The following OR4E2 variants were observed in gnomAD, a reference collection of about 807,000 sequenced individuals.
OR4E2 encodes the protein olfactory receptor 4E2.
OR4E2 carries 9 observed loss-of-function variants against 11.0 expected under a neutral mutation model. That is an observed-to-expected ratio of 0.82 (90% CI 0.49 to 1.43). The LOEUF (loss-of-function observed/expected upper bound fraction) is 1.43, where lower values mean the gene tolerates loss of function less well. OR4E2 is among the 40% of genes most tolerant of loss of function. The probability of loss-of-function intolerance (pLI) is 0.00; values close to 1 mark genes in which losing one functional copy is unlikely to be tolerated. For missense variants in OR4E2, 441 were observed against 382.0 expected, an observed-to-expected ratio of 1.15 and a Z score of -1.29; for synonymous variants, 159 against 147.3, an observed-to-expected ratio of 1.08 and a Z score of -0.57.
At chr14:21,664,275 G>A (rs1004409338) in intron 3 of OR4E2, among the ~76,000 whole-genome samples, 1 of 152,102 alleles carries the variant, frequency 6.6e-6, no homozygotes, top group African/African-American at 2.4e-5. Flanking sequence ...TTCTTCTGTT[G>A]TTTTTTGGCT....
rs1213402717 is a variant in OR4E2 at position 21,666,220 on chromosome 14, A to G, written c.*196A>G. ...TTATTAACTATTATTTAAATAAAGCAAAAGATCATAGTGGAAGTTATAAGG... is the reference window on the plus strand; with the variant it reads ...TTATTAACTATTATTTAAATAAAGCGAAAGATCATAGTGGAAGTTATAAGG... On this transcript the variant is annotated 3_prime_UTR_variant, in exon 4 of 4. Coordinates refer to ENST00000641524, the MANE Select transcript of OR4E2 (RefSeq NM_001001912.3). The G allele has an allele frequency of 4.3e-6, 2 of 460,492 alleles. No individual in the cohort carries two copies. The highest frequency in any genetic ancestry group is 7.6e-6 in the Non-Finnish European group (2 of 263,132). The allele number at this position is 460,492 out of a possible 1,614,324, so 28.5% of individuals were successfully genotyped here. A position where few individuals can be genotyped will look rare whatever the true frequency, so the allele number is the denominator to read the frequency against.
Position 21,665,559 on chromosome 14 carries a change from G to A in OR4E2, c.477G>A (p.Gln159=). The change falls in exon 4 of 4, where the codon CAG becomes CAA. Residue 159 remains glutamine (Q), a synonymous_variant. Coordinates refer to ENST00000641524, the MANE Select transcript of OR4E2 (RefSeq NM_001001912.3). ...WLGGTVHSLG[Q]TFLTIRLPYC... ...GGGGTACTGTTCACTCACTAGGGCA[G>A]ACCTTCTTGACTATTCGTCTACCTT... The A allele has an allele frequency of 6.2e-7, 1 of 1,614,102 alleles. No individual in the cohort carries two copies. Among genetic ancestry groups the A allele is most frequent in the East Asian group, 2.2e-5 (1 of 44,878 alleles).
intron 1 of OR4E2, among the ~76,000 whole-genome samples, chr14:21,655,793 T>TA (rs890554965): frequency 6.6e-6 from 1 of 152,136 alleles, no homozygotes; most frequent in Non-Finnish European, 1.5e-5. Flanking sequence ...TTTTTTTCTA[T>TA]AAAAAAATTT....
intron 3 of OR4E2, among the ~76,000 whole-genome samples, chr14:21,664,436 G>A (rs1880511680): frequency 6.6e-6 from 1 of 152,172 alleles, no homozygotes; most frequent in Non-Finnish European, 1.5e-5. Context: ...TTTTAATGGA[G>A]TTGTTTGTAT....
intron 3 of OR4E2, 124 bp downstream of exon 3, chr14:21,660,870 A>T (rs1243317210): frequency 6.6e-6 from 1 of 152,150 alleles, no homozygotes; most frequent in Non-Finnish European, 1.5e-5. Flanking sequence ...GCCACAAAGG[A>T]TGGACTGGGT....
At chr14:21,659,143 C>T (rs1880175957) in intron 2 of OR4E2, among the ~76,000 whole-genome samples, 1 of 152,148 alleles carries the variant, frequency 6.6e-6, no homozygotes, top group East Asian at 1.9e-4. Context: ...TTAAATGTTT[C>T]TCCTGCTTCA....
chr14:21,661,291 T>G (rs570274771), intron 3 of OR4E2, among the ~76,000 whole-genome samples: 1 of 152,244 alleles, frequency 6.6e-6, no homozygotes, highest in Non-Finnish European at 1.5e-5. Context: ...TATGTTTGAA[T>G]ATGTATAAAT....
intron 3 of OR4E2, among the ~76,000 whole-genome samples, chr14:21,661,223 A>T (rs12882767): frequency 0.29 from 43,570 of 152,052 alleles, 6,711 homozygotes; most frequent in Non-Finnish European, 0.32. Context: ...TTCGTCAACA[A>T]CTATCTTGTG....
At chr14:21,663,184 T>C (rs1199740391) in intron 3 of OR4E2, among the ~76,000 whole-genome samples, 1 of 152,100 alleles carries the variant, frequency 6.6e-6, no homozygotes, top group Non-Finnish European at 1.5e-5. Flanking sequence ...GTTACTACTC[T>C]TAAAAAAATT....
chr14:21,657,862 T>C (rs929689923), intron 2 of OR4E2, among the ~76,000 whole-genome samples: 2 of 152,174 alleles, frequency 1.3e-5, no homozygotes, highest in Non-Finnish European at 2.9e-5. Context: ...GTGCTGGGAT[T>C]ACAGGCATAA....
chr14:21,657,480 C>T lies in OR4E2; in HGVS notation c.-103+891C>T, dbSNP rs1464301326. ...CCTTCCTTCCTTCCTTCCTTCCTTC[C>T]TTCCTTCCTTCCTTCCTTCCTTCCT... On this transcript the variant is annotated intron_variant, in intron 2 of 3. Coordinates refer to ENST00000641524, the MANE Select transcript of OR4E2 (RefSeq NM_001001912.3). 1.7e-3 allele frequency among the ~76,000 whole-genome samples: 178 copies of T among 107,732 alleles called. 2 individuals are homozygous for T. The highest frequency in any genetic ancestry group is 1.1e-3 in the Non-Finnish European group (60 of 54,154). The allele number at this position is 107,732 out of a possible 152,430, so 70.7% of individuals were successfully genotyped here.
intron 2 of OR4E2, among the ~76,000 whole-genome samples, chr14:21,658,279 G>A (rs543380295): frequency 8.5e-5 from 13 of 152,252 alleles, no homozygotes; most frequent in Admixed American, 1.3e-4. Context: ...AGGTTAGAGC[G>A]TGTTCCTATG....
In OR4E2 at chr14:21,665,927, T is replaced by C; in HGVS notation, c.845T>C (p.Leu282Pro). 6.2e-7 allele frequency: 1 copy of C among 1,613,608 alleles called. No individual in the cohort carries two copies. Among genetic ancestry groups the C allele is most frequent in the Non-Finnish European group, 8.5e-7 (1 of 1,179,828 alleles). Residue 282 changes from leucine (L) to proline (P), a missense_variant, in exon 4 of 4, where the codon CTG becomes CCG. By Grantham distance (98) the Leu-to-Pro change is moderately conservative. Coordinates refer to ENST00000641524, the MANE Select transcript of OR4E2 (RefSeq NM_001001912.3). ...TTCTACACAGTGGTCACCCCTTTGCTGAATCCCTTCATTTACACCTTGAGG... is the reference window on the plus strand; with the variant it reads ...TTCTACACAGTGGTCACCCCTTTGCCGAATCCCTTCATTTACACCTTGAGG... Reference protein sequence around the residue: ...SVFYTVVTPLLNPFIYTLRNE... With the variant: ...SVFYTVVTPLPNPFIYTLRNE...
At chr14:21,659,748 A>T (rs566393435) in intron 2 of OR4E2, among the ~76,000 whole-genome samples, 9 of 152,236 alleles carry the variant, frequency 5.9e-5, no homozygotes, top group Admixed American at 2.6e-4. Context: ...TATGTTCTAT[A>T]TACTTTCCTA....
intron 2 of OR4E2, among the ~76,000 whole-genome samples, chr14:21,657,400 TCC>T (rs1880024911): frequency 6.9e-6 from 1 of 144,846 alleles, no homozygotes; most frequent in Non-Finnish European, 1.5e-5. Context: ...CTTTCTTCCT[TCC>T]TTCCTTTCTT....
rs1422854138 is a variant in OR4E2, at chr14:21,665,292, C to T, written c.210C>T (p.Asp70=). 1.2e-6 allele frequency: 2 copies of T among 1,614,080 alleles called. No individual in the cohort carries two copies. Among genetic ancestry groups the T allele is most frequent in the Non-Finnish European group, 1.7e-6 (2 of 1,179,942 alleles). Residue 70 remains aspartate (D), a synonymous_variant, in exon 4 of 4, where the codon GAC becomes GAT. Coordinates refer to ENST00000641524, the MANE Select transcript of OR4E2 (RefSeq NM_001001912.3). Reference sequence around the variant, plus strand: ...TCCTGAGCAATCTGTCCTTTATTGACATCTGCCACTCATCTGTCACTGTGC... The same window carrying T: ...TCCTGAGCAATCTGTCCTTTATTGATATCTGCCACTCATCTGTCACTGTGC... ...YFFLSNLSFI[D]ICHSSVTVPK...
In OR4E2 at chr14:21,660,678, C is replaced by A. The variant is rs957450969; in HGVS notation, c.-77C>A. Reference sequence around the variant, plus strand: ...ATGGCATCTCGCTGTGCTGCCTAGGCAGACCTTGAACTTCTGGACTTAAGC... The same window carrying A: ...ATGGCATCTCGCTGTGCTGCCTAGGAAGACCTTGAACTTCTGGACTTAAGC... On this transcript the variant is annotated 5_prime_UTR_variant, in exon 3 of 4. Coordinates refer to ENST00000641524, the MANE Select transcript of OR4E2 (RefSeq NM_001001912.3). The A allele has an allele frequency of 6.6e-6, 1 of 150,504 alleles. No homozygotes were observed. The highest frequency in any genetic ancestry group is 1.5e-5 in the Non-Finnish European group (1 of 67,868). 9.3% of individuals were successfully genotyped at this position (150,504 alleles called of 1,614,324 possible). A position where few individuals can be genotyped will look rare whatever the true frequency, so the allele number is the denominator to read the frequency against.
intron 1 of OR4E2, among the ~76,000 whole-genome samples, chr14:21,654,538 G>A (rs1879834781): frequency 6.6e-6 from 1 of 151,948 alleles, no homozygotes; most frequent in Non-Finnish European, 1.5e-5. Context: ...TTGGTTTCCA[G>A]GATGCCCCTA....
rs535747475 is a variant in OR4E2 at position 21,656,075 on chromosome 14, T to G, written c.-190-427T>G. ...AGAGAATCACTTGAGCCCAGGAATTTGAGACCAACCAGAGCAACATAGCGA... is the reference window on the plus strand; with the variant it reads ...AGAGAATCACTTGAGCCCAGGAATTGGAGACCAACCAGAGCAACATAGCGA... On this transcript the variant is annotated intron_variant, in intron 1 of 3. Coordinates refer to ENST00000641524, the MANE Select transcript of OR4E2 (RefSeq NM_001001912.3). Among the ~76,000 whole-genome samples, 183 of 151,374 alleles carry G rather than the reference T, an allele frequency of 1.2e-3. 2 individuals carry two copies. The highest frequency in any genetic ancestry group is 4.3e-3 in the African/African-American group (176 of 41,202).
Sources: gnomAD v4.1 joint callset for allele counts (sites outside exome capture counted in the v4.1 genomes callset) on GRCh38, gnomAD v4.1.1 for gene constraint, MANE v1.5 for transcripts, NCBI Gene and HGNC (gene_info 2026-07-23, HGNC 2026-07-21) for gene names.